The following MCC variants were observed in gnomAD, a reference collection of about 807,000 sequenced individuals.
MCC encodes the protein colorectal mutant cancer protein.
In MCC, 90 loss-of-function variants were observed where a neutral mutation model predicts 116.2. The observed-to-expected ratio is 0.77, with a 90% CI of 0.65 to 0.92. The LOEUF is 0.92. Ranked by LOEUF, MCC falls within the 40% of genes least tolerant of loss-of-function variation. The pLI, the probability that MCC is intolerant of heterozygous loss-of-function variation, is 0.00. For synonymous variants in MCC, 578 were observed against 510.5 expected (o/e 1.13, Z -1.78); for missense variants, 1,516 against 1,312.2 (o/e 1.16, Z -2.40).
chr5:113,118,564 G>A (rs1299594418), intron 6 of MCC, among the ~76,000 whole-genome samples: 1 of 152,226 alleles, frequency 6.6e-6, no homozygotes, highest in Non-Finnish European at 1.5e-5. Context: ...GAAGCTGATA[G>A]GCTGGACTTA....
intron 3 of MCC, among the ~76,000 whole-genome samples, chr5:113,173,182 CCTCT>C (rs138644184): frequency 6.6e-6 from 1 of 152,040 alleles, no homozygotes; most frequent in African/African-American, 2.4e-5. Context: ...CTTAACAGAT[CCTCT>C]CTCTGATTTT....
chr5:113,350,082 T>C (rs1048676883), intron 2 of MCC, among the ~76,000 whole-genome samples: 6 of 152,110 alleles, frequency 3.9e-5, no homozygotes, highest in African/African-American at 1.4e-4. Flanking sequence ...GTTCATGGAC[T>C]GGAAGAACCA....
intron 3 of MCC, among the ~76,000 whole-genome samples, chr5:113,235,651 C>T (rs548036067): frequency 6.6e-6 from 1 of 152,328 alleles, no homozygotes; most frequent in South Asian, 2.1e-4. Context: ...TATGATAAAA[C>T]TACACAAGGA....
At chr5:113,246,097 T>C (rs1009296222) in intron 3 of MCC, among the ~76,000 whole-genome samples, 1 of 152,176 alleles carries the variant, frequency 6.6e-6, no homozygotes, top group Non-Finnish European at 1.5e-5. Context: ...TTAGATTTAG[T>C]TATAAAAGAT....
chr5:113,311,159 C>T (rs956223957), intron 3 of MCC, among the ~76,000 whole-genome samples: 9 of 152,168 alleles, frequency 5.9e-5, no homozygotes, highest in Admixed American at 2.6e-4. Flanking sequence ...CCATCATTGC[C>T]TTCAGTTAAA....
intron 1 of MCC, among the ~76,000 whole-genome samples, chr5:113,445,068 C>T (rs1489101643): frequency 6.6e-6 from 1 of 152,138 alleles, no homozygotes; most frequent in Non-Finnish European, 1.5e-5. Context: ...CAGATACAGC[C>T]CAGACACTTC....
At chr5:113,188,607 CAG>C (rs1333345893) in intron 3 of MCC, among the ~76,000 whole-genome samples, 1 of 152,176 alleles carries the variant, frequency 6.6e-6, no homozygotes, top group Non-Finnish European at 1.5e-5. Flanking sequence ...ACATGCTTTT[CAG>C]AGGAGTATGG....
In MCC at chr5:113,452,835, T is replaced by C. The variant is rs1489956914; in HGVS notation, c.170+35410A>G. Among the ~76,000 whole-genome samples, 31 of 152,244 alleles carry C rather than the reference T, an allele frequency of 2.0e-4. 1 individual carries two copies. The highest frequency in any genetic ancestry group is 4.0e-4 in the Non-Finnish European group (27 of 68,044). ...CAGGATGTTAGTTCCCCATTTGGTC[T>C]CAGGTGATGTTGGCACCACTGCCAG... On this transcript the variant is annotated intron_variant, in intron 1 of 18. Coordinates refer to ENST00000408903, the MANE Select transcript of MCC (RefSeq NM_001085377.2).
chr5:113,412,007 A>G (rs940548123), intron 1 of MCC, among the ~76,000 whole-genome samples: 3 of 152,220 alleles, frequency 2.0e-5, no homozygotes, highest in African/African-American at 7.2e-5. Context: ...CAGTTTTCCC[A>G]GCACCATTCA....
At chr5:113,274,133 C>T (rs1213970395) in intron 3 of MCC, among the ~76,000 whole-genome samples, 1 of 152,220 alleles carries the variant, frequency 6.6e-6, no homozygotes, top group Non-Finnish European at 1.5e-5. Context: ...GGATTTACTT[C>T]AGTCACGCCA....
intron 1 of MCC, among the ~76,000 whole-genome samples, chr5:113,431,036 A>G (rs139569086): frequency 6.6e-6 from 1 of 152,194 alleles, no homozygotes; most frequent in African/African-American, 2.4e-5. Flanking sequence ...AGTATGAGGG[A>G]AATTGAGAGC....
At chr5:113,430,418 A>G (rs1035746884) in intron 1 of MCC, among the ~76,000 whole-genome samples, 1 of 152,164 alleles carries the variant, frequency 6.6e-6, no homozygotes, top group Non-Finnish European at 1.5e-5. Context: ...GGAGCCTTGA[A>G]TGCTAGACTT....
intron 5 of MCC, among the ~76,000 whole-genome samples, chr5:113,135,558 C>CAAAAAAAAAAAAAA (rs11377680): frequency 4.9e-5 from 5 of 102,656 alleles, no homozygotes; most frequent in African/African-American, 2.1e-4. Flanking sequence ...GACTCTGTCT[C>CAAAAAAAAAAAAAA]AAAAAAAAAA....
chr5:113,377,848 T>C (rs567374253), intron 2 of MCC, among the ~76,000 whole-genome samples: 54 of 152,260 alleles, frequency 3.5e-4, no homozygotes, highest in Non-Finnish European at 5.9e-4. Context: ...CAATTAAATA[T>C]TGGAATAAAT....
At chr5:113,045,943 A>G (rs1752041498) in intron 16 of MCC, among the ~76,000 whole-genome samples, 1 of 152,204 alleles carries the variant, frequency 6.6e-6, no homozygotes, top group East Asian at 1.9e-4. Context: ...CACAAGCTCT[A>G]CAACATTCAC....
chr5:113,422,478 G>A lies in MCC; in HGVS notation c.171-37266C>T, dbSNP rs370672320. Among the ~76,000 whole-genome samples the A allele has an allele frequency of 5.3e-5, 8 of 152,072 alleles. No individual in the cohort carries two copies. In the East Asian group the frequency reaches 1.3e-3, roughly 26 times the overall value. On this transcript the variant is annotated intron_variant, in intron 1 of 18. Coordinates refer to ENST00000408903, the MANE Select transcript of MCC (RefSeq NM_001085377.2). ...CTTTATGATTTAGTTTTTAACAATG[G>A]TTATGTTTAATAATGGCTCACAAAA...
intron 3 of MCC, among the ~76,000 whole-genome samples, chr5:113,173,453 TG>T (rs1194866805): frequency 6.6e-6 from 1 of 152,200 alleles, no homozygotes; most frequent in Non-Finnish European, 1.5e-5. Context: ...TCTCCCCCTT[TG>T]TTTTATTAAA....
At chr5:113,052,454 T>C (rs965914307) in intron 15 of MCC, among the ~76,000 whole-genome samples, 1 of 124,148 alleles carries the variant, frequency 8.1e-6, no homozygotes, top group Non-Finnish European at 1.6e-5. Flanking sequence ...TGAGCCAGTT[T>C]GGAAATCATG....
chr5:113,086,749 C>T (rs1352190995), intron 8 of MCC, among the ~76,000 whole-genome samples: 2 of 152,176 alleles, frequency 1.3e-5, no homozygotes, highest in Non-Finnish European at 2.9e-5. Context: ...CAACACCCAG[C>T]GGTCCTTACA....
Sources: allele counts gnomAD v4.1 joint callset (sites outside exome capture counted in the v4.1 genomes callset), GRCh38; gene constraint gnomAD v4.1.1; transcripts MANE v1.5; gene names NCBI Gene and HGNC (gene_info 2026-07-23, HGNC 2026-07-21).